Variants in MAGI2 observed in about 807,000 individuals in gnomAD.
The protein encoded by MAGI2 is membrane-associated guanylate kinase, WW and PDZ domain-containing protein 2.
A neutral mutation model predicts 133.3 loss-of-function variants in MAGI2; 35 were observed. The observed-to-expected ratio is 0.26, with a 90% CI of 0.20 to 0.35. MAGI2 has a LOEUF of 0.35. Among genes scored for constraint, MAGI2 ranks in the 10% least tolerant of loss-of-function variants. The pLI is 1.00. For synonymous variants in MAGI2, 729 were observed against 710.6 expected, an observed-to-expected ratio of 1.03 and a Z score of -0.41; for missense variants, 1,636 against 1,863.4, an observed-to-expected ratio of 0.88 and a Z score of 2.25.
chr7:78,722,907 T>G (rs1820401171), intron 2 of MAGI2, among the ~76,000 whole-genome samples: 2 of 152,074 alleles, frequency 1.3e-5, no homozygotes. Context: ...CCATATAGCT[T>G]AATTATAGAA....
chr7:78,636,613 A>G (rs1395440141), intron 2 of MAGI2, among the ~76,000 whole-genome samples: 1 of 152,092 alleles, frequency 6.6e-6, no homozygotes, highest in African/African-American at 2.4e-5. Flanking sequence ...CCTGGCTAAC[A>G]CGGTGAAACC....
intron 6 of MAGI2, among the ~76,000 whole-genome samples, chr7:78,482,557 T>A (rs917461427): frequency 6.6e-6 from 1 of 151,922 alleles, no homozygotes; most frequent in Non-Finnish European, 1.5e-5. Context: ...CATAGCCTAC[T>A]GGCATATTAT....
intron 16 of MAGI2, among the ~76,000 whole-genome samples, chr7:78,146,111 A>G (rs1823284390): frequency 6.6e-6 from 1 of 151,706 alleles, no homozygotes; most frequent in African/African-American, 2.4e-5. Context: ...TGCTTGCTTT[A>G]TTATTTTAAA....
chr7:78,121,345 A>G (rs1820459004), intron 20 of MAGI2, among the ~76,000 whole-genome samples: 1 of 152,150 alleles, frequency 6.6e-6, no homozygotes. Flanking sequence ...AGATATCTGT[A>G]TCACATTAAT....
intron 1 of MAGI2, among the ~76,000 whole-genome samples, chr7:79,345,299 A>G (rs191301564): frequency 1.1e-4 from 17 of 152,246 alleles, no homozygotes; most frequent in African/African-American, 3.6e-4. Flanking sequence ...TGATGCTCCC[A>G]TAAAGCTAAG....
At chr7:78,960,392 G>A (rs1046230722) in intron 2 of MAGI2, among the ~76,000 whole-genome samples, 2 of 152,042 alleles carry the variant, frequency 1.3e-5, no homozygotes, top group Admixed American at 6.6e-5. Flanking sequence ...GAGTTGAAGG[G>A]AGCCAGTAGG....
rs1025976505 is a variant in MAGI2 at position 78,763,477 on chromosome 7, A to C, written c.419-136238T>G. On this transcript the variant is annotated intron_variant, in intron 2 of 21. Transcript: ENST00000354212. ...TTTCTTTACCTTAGCACACACTGAG[A>C]GAGTAATTCACACAGGTGTGTGGAA... Among the ~76,000 whole-genome samples, 7 of 152,146 alleles carry C rather than the reference A, an allele frequency of 4.6e-5. No homozygotes were observed. In the South Asian group the frequency reaches 1.0e-3, roughly 23 times the overall value.
rs558626408 is a variant in MAGI2 at position 78,720,753 on chromosome 7, G to A, written c.419-93514C>T. On this transcript the variant is annotated intron_variant, in intron 2 of 21. Coordinates refer to ENST00000354212, the MANE Select transcript of MAGI2 (RefSeq NM_012301.4). ...AGATTAATTTCTCAAAGGATAAGTTGAGAAAAAATCATCTTTTCCTTCATC... is the reference window on the plus strand; with the variant it reads ...AGATTAATTTCTCAAAGGATAAGTTAAGAAAAAATCATCTTTTCCTTCATC... 3.8e-4 allele frequency among the ~76,000 whole-genome samples: 58 copies of A among 152,074 alleles called. 1 individual carries two copies. Among genetic ancestry groups the A allele is most frequent in the African/African-American group, 1.4e-3 (57 of 41,528 alleles).
At chr7:78,293,259 C>T (rs1039062769) in intron 9 of MAGI2, among the ~76,000 whole-genome samples, 4 of 152,108 alleles carry the variant, frequency 2.6e-5, no homozygotes, top group Non-Finnish European at 5.9e-5. Flanking sequence ...ACCACCCCAT[C>T]GAAAAGTAGG....
chr7:78,857,733 G>T (rs1169389270), intron 2 of MAGI2, among the ~76,000 whole-genome samples: 1 of 152,132 alleles, frequency 6.6e-6, no homozygotes, highest in African/African-American at 2.4e-5. Context: ...TTGTGTCTCT[G>T]CCAGGCTTTG....
At chr7:78,128,539 A>G (rs997152282) in intron 18 of MAGI2, among the ~76,000 whole-genome samples, 1 of 152,192 alleles carries the variant, frequency 6.6e-6, no homozygotes. Flanking sequence ...AGTGCAAACC[A>G]GTAGAATTCT....
At chr7:78,477,121 T>TG (rs16690) in intron 6 of MAGI2, among the ~76,000 whole-genome samples, 1 of 151,598 alleles carries the variant, frequency 6.6e-6, no homozygotes, top group Admixed American at 6.6e-5. Context: ...TGAGAGAACT[T>TG]TATATATTCA....
chr7:78,152,078 T>C (rs1373093046), intron 16 of MAGI2, among the ~76,000 whole-genome samples: 1 of 152,046 alleles, frequency 6.6e-6, no homozygotes, highest in Non-Finnish European at 1.5e-5. Flanking sequence ...ATGACTATAA[T>C]AGCAATAACA....
intron 2 of MAGI2, among the ~76,000 whole-genome samples, chr7:78,761,033 T>C (rs1824457419): frequency 1.3e-5 from 2 of 152,214 alleles, no homozygotes; most frequent in African/African-American, 4.8e-5. Context: ...CCAAGAATTA[T>C]TATAATTTTC....
At chr7:78,285,318 C>T (rs1796033785) in intron 9 of MAGI2, among the ~76,000 whole-genome samples, 1 of 152,070 alleles carries the variant, frequency 6.6e-6, no homozygotes, top group African/African-American at 2.4e-5. Flanking sequence ...AATACAGTTA[C>T]ATAATTATGT....
intron 2 of MAGI2, among the ~76,000 whole-genome samples, chr7:78,757,167 G>A (rs931801899): frequency 6.6e-6 from 1 of 152,090 alleles, no homozygotes; most frequent in African/African-American, 2.4e-5. Context: ...GTGCAACCTT[G>A]TTCCTGTTAA....
At chr7:78,254,382 G>A (rs1189503332) in intron 10 of MAGI2, 1 of 152,148 alleles carries the variant, frequency 6.6e-6, no homozygotes, top group Non-Finnish European at 1.5e-5. Flanking sequence ...CCAAATATTT[G>A]ATTTTCATTT....
intron 1 of MAGI2, among the ~76,000 whole-genome samples, chr7:79,364,461 T>C (rs1401255470): frequency 6.6e-6 from 1 of 152,028 alleles, no homozygotes; most frequent in Non-Finnish European, 1.5e-5. Flanking sequence ...ACTATACATA[T>C]ATAACGACTT....
intron 2 of MAGI2, among the ~76,000 whole-genome samples, chr7:78,874,370 G>A (rs957544112): frequency 6.6e-6 from 1 of 152,148 alleles, no homozygotes; most frequent in Non-Finnish European, 1.5e-5. Flanking sequence ...CAAATATTTA[G>A]CATCTGATAA....
Sources: gnomAD v4.1 joint callset for allele counts (sites outside exome capture counted in the v4.1 genomes callset) on GRCh38, gnomAD v4.1.1 for gene constraint, MANE v1.5 for transcripts, NCBI Gene and HGNC (gene_info 2026-07-23, HGNC 2026-07-21) for gene names.